Variants in SEMA4D observed in about 807,000 individuals in gnomAD.
SEMA4D encodes the protein semaphorin 4D, also known as semaphorin-4D.
SEMA4D carries 22 observed loss-of-function variants against 74.8 expected under a neutral mutation model. That is an observed-to-expected ratio of 0.29 (90% CI 0.21 to 0.42). SEMA4D has a LOEUF of 0.42. Ranked by LOEUF, SEMA4D falls within the 10% of genes least tolerant of loss-of-function variation. SEMA4D has a pLI of 1.00. For missense variants in SEMA4D, 937 were observed against 1,118.4 expected (o/e 0.84, Z 2.31); for synonymous variants, 445 against 463.7 (o/e 0.96, Z 0.52).
downstream of SEMA4D, among the ~76,000 whole-genome samples, chr9:89,374,528 A>AT (rs1297406190): frequency 6.6e-6 from 1 of 152,220 alleles, no homozygotes; most frequent in Non-Finnish European, 1.5e-5. Context: ...CTTCCTGCCC[A>AT]TGGCTGATAA....
chr9:89,392,224 T>C (rs1588255805), intron 8 of SEMA4D, among the ~76,000 whole-genome samples, 199 bp downstream of exon 8: 1 of 152,240 alleles, frequency 6.6e-6, no homozygotes, highest in Non-Finnish European at 1.5e-5. Context: ...AAAACAGTAC[T>C]CTGTTACCAG....
intron 2 of SEMA4D, among the ~76,000 whole-genome samples, chr9:89,455,122 T>C (rs768801593): frequency 1.2e-4 from 18 of 152,264 alleles, no homozygotes; most frequent in Admixed American, 7.8e-4. Context: ...TGTGCCTCCA[T>C]GGCCTCATCC....
intron 2 of SEMA4D, among the ~76,000 whole-genome samples, chr9:89,442,445 A>C (rs1176353478): frequency 6.6e-6 from 1 of 152,186 alleles, no homozygotes; most frequent in Admixed American, 6.5e-5. Context: ...AATAGAAAAA[A>C]TTGTAAGAAA....
At chr9:89,456,979 T>C (rs960908790) in intron 1 of SEMA4D, among the ~76,000 whole-genome samples, 1 of 152,006 alleles carries the variant, frequency 6.6e-6, no homozygotes, top group East Asian at 1.9e-4. Context: ...TCTGAGAAAA[T>C]GCAAAGGGCT....
chr9:89,470,126 T>C lies in SEMA4D; in HGVS notation c.-309-14173A>G, dbSNP rs114475157. 4.6e-3 allele frequency among the ~76,000 whole-genome samples: 705 copies of C among 152,312 alleles called. 5 individuals are homozygous for C. The highest frequency in any genetic ancestry group is 0.016 in the African/African-American group (679 of 41,566). On this transcript the variant is annotated intron_variant, in intron 1 of 15. Transcript: ENST00000422704. ...ATGGATTCTATCAACATTTGGGAAA[T>C]TGATAAAGTGAACTGCATCAAAATT...
rs370172425 is a variant in SEMA4D at position 89,381,732 on chromosome 9, G to A, written c.1447-386C>T. Reference sequence around the variant, plus strand: ...GCCTGGCACTCCCGGTCATCTTCCCGGCCTCACTATAGGTGAGAAGGGGCT... The same window carrying A: ...GCCTGGCACTCCCGGTCATCTTCCCAGCCTCACTATAGGTGAGAAGGGGCT... On this transcript the variant is annotated intron_variant, in intron 13 of 15. Coordinates refer to ENST00000422704, the MANE Select transcript of SEMA4D (RefSeq NM_001371194.2). The surrounding 1 kb of genome is among the most constrained non-coding windows in gnomAD (Gnocchi z 4.6). 1.7e-4 allele frequency: 28 copies of A among 168,052 alleles called. No individual in the cohort carries two copies. In the South Asian group the frequency reaches 4.6e-3, roughly 28 times the overall value. 10.4% of individuals were successfully genotyped at this position (168,052 alleles called of 1,614,324 possible). A position where few individuals can be genotyped will look rare whatever the true frequency, so the allele number is the denominator to read the frequency against.
chr9:89,410,920 C>G (rs1229758378), intron 2 of SEMA4D, among the ~76,000 whole-genome samples: 1 of 152,216 alleles, frequency 6.6e-6, no homozygotes, highest in Admixed American at 6.5e-5. Flanking sequence ...GTCAAATTAT[C>G]AATCAGTATG....
intron 2 of SEMA4D, among the ~76,000 whole-genome samples, chr9:89,411,859 G>A (rs956476713): frequency 1.6e-4 from 24 of 152,342 alleles, no homozygotes; most frequent in Admixed American, 7.8e-4. Context: ...CCGCAAAGCC[G>A]AAGTGCTGGG....
intron 1 of SEMA4D, among the ~76,000 whole-genome samples, chr9:89,459,899 G>A (rs1469495752): frequency 6.6e-6 from 1 of 152,178 alleles, no homozygotes; most frequent in Non-Finnish European, 1.5e-5. Flanking sequence ...GTAAAACTCT[G>A]GGTGACAACT....
chr9:89,431,556 G>A (rs1006401064), intron 2 of SEMA4D, among the ~76,000 whole-genome samples: 2 of 152,156 alleles, frequency 1.3e-5, no homozygotes, highest in Non-Finnish European at 2.9e-5. Context: ...GCAATGCAAC[G>A]GTGCAATCAT....
chr9:89,480,481 G>A (rs541010563), intron 1 of SEMA4D, among the ~76,000 whole-genome samples: 3 of 152,306 alleles, frequency 2.0e-5, no homozygotes, highest in South Asian at 2.1e-4. Context: ...GGCTCTCGTC[G>A]GGGAGGCTCG....
At position 89,403,340 on chromosome 9, in the gene SEMA4D, C is replaced by G. The variant is rs74355247; in HGVS notation, c.107-324G>C. Among the ~76,000 whole-genome samples the G allele has an allele frequency of 7.7e-3, 1,171 of 152,320 alleles. 3 individuals are homozygous for G. The highest frequency in any genetic ancestry group is 0.013 in the Non-Finnish European group (865 of 68,026). On this transcript the variant is annotated intron_variant, in intron 3 of 15. Coordinates refer to ENST00000422704, the MANE Select transcript of SEMA4D (RefSeq NM_001371194.2). ...TCCCTCAGATCCCAGAATCCCAAAC[C>G]CTGCTCTGCCAGATGCTTCCTGTGA... is the stretch of plus-strand genomic sequence containing the variant.
In SEMA4D at chr9:89,466,619, C is replaced by A. The variant is rs180913755; in HGVS notation, c.-309-10666G>T. On this transcript the variant is annotated intron_variant, in intron 1 of 15. Transcript: ENST00000422704. ...ACAAGGTCATGCTCCAGAAGCATCA[C>A]TCACCTGCATGTGCACACTCTCAAG... Among the ~76,000 whole-genome samples, 391 of 144,440 alleles carry A rather than the reference C, an allele frequency of 2.7e-3. 2 individuals carry two copies. Among genetic ancestry groups the A allele is most frequent in the African/African-American group, 9.4e-3 (376 of 39,920 alleles). The allele number at this position is 144,440 out of a possible 152,430, so 94.8% of individuals were successfully genotyped here.
At position 89,381,307 on chromosome 9, in the gene SEMA4D, C is replaced by T; in HGVS notation, c.1486G>A (p.Val496Ile). ...FVYAGSNSGV[V>I]QAPLAFCGKH... Reference sequence around the variant, plus strand: ...CCACAGAAGGCCAGCGGGGCCTGGACCACGCCCGAGTTAGAGCCAGCATAG... The same window carrying T: ...CCACAGAAGGCCAGCGGGGCCTGGATCACGCCCGAGTTAGAGCCAGCATAG... The change falls in exon 14 of 16, where the codon GTC (valine) becomes ATC (isoleucine). Residue 496 changes from valine to isoleucine, a missense_variant. Coordinates refer to ENST00000422704, the MANE Select transcript of SEMA4D (RefSeq NM_001371194.2). This position sits in a 1 kb window ranked among gnomAD's most constrained non-coding sequence, Gnocchi z 4.6. 2 of 1,541,414 alleles carry T rather than the reference C, an allele frequency of 1.3e-6. No homozygotes were observed. Among genetic ancestry groups the T allele is most frequent in the Non-Finnish European group, 1.8e-6 (2 of 1,140,496 alleles).
chr9:89,387,878 A>C (rs927203822), intron 11 of SEMA4D, among the ~76,000 whole-genome samples: 2 of 152,242 alleles, frequency 1.3e-5, no homozygotes, highest in Admixed American at 6.5e-5. Flanking sequence ...TTGTAAGTGA[A>C]AAACACTTAT....
At chr9:89,421,800 C>CGTGTGT (rs150331246) in intron 2 of SEMA4D, among the ~76,000 whole-genome samples, 10 of 149,876 alleles carry the variant, frequency 6.7e-5, no homozygotes, top group Non-Finnish European at 1.3e-4. Context: ...CGTGTGTGTG[C>CGTGTGT]GTGTGTGTGT....
At chr9:89,455,141 G>A (rs546448361) in intron 2 of SEMA4D, among the ~76,000 whole-genome samples, 52 of 152,378 alleles carry the variant, frequency 3.4e-4, no homozygotes, top group African/African-American at 1.2e-3. Flanking sequence ...CCATGACAGG[G>A]AGGGCCCAGT....
chr9:89,371,458 G>A, intron 16 of SEMA4D, among the ~76,000 whole-genome samples: 1 of 102,376 alleles, frequency 9.8e-6, no homozygotes, highest in Non-Finnish European at 2.0e-5. Context: ...GTGTGTCTGG[G>A]GTGTGTGTGT....
intron 2 of SEMA4D, among the ~76,000 whole-genome samples, chr9:89,454,815 T>C (rs9410487): frequency 0.93 from 141,534 of 152,294 alleles, 66,273 homozygotes; most frequent in Non-Finnish European, 1. Flanking sequence ...GACACAGCCA[T>C]GCCACAGCAC....
Sources: allele counts gnomAD v4.1 joint callset (sites outside exome capture counted in the v4.1 genomes callset), GRCh38; gene constraint gnomAD v4.1.1; non-coding constraint Gnocchi (gnomAD v3.1); transcripts MANE v1.5; gene names NCBI Gene and HGNC (gene_info 2026-07-23, HGNC 2026-07-21).